DHODH: variants seen among roughly 807,000 people sequenced by gnomAD.
The protein encoded by DHODH is dihydroorotate dehydrogenase (quinone).
Under a neutral mutation model 39.7 loss-of-function variants are expected in DHODH, and 30 were observed. That is an observed-to-expected ratio of 0.76 (90% CI 0.57 to 1.02). The LOEUF (loss-of-function observed/expected upper bound fraction) is 1.02. DHODH is among the 50% of genes least tolerant of loss of function. DHODH has a pLI of 0.00. For missense variants in DHODH, 531 were observed against 520.8 expected (o/e 1.02, Z -0.19); for synonymous variants, 222 against 213.8 (o/e 1.04, Z -0.34).
chr16:72,022,316 G>C, intron 5 of DHODH, 46 bp from the exon 6 acceptor site: 1 of 1,398,632 alleles, frequency 7.1e-7, no homozygotes, highest in South Asian at 1.2e-5. Context: ...TGCACTGCAG[G>C]GCTGTGGTCT....
intron 2 of DHODH, among the ~76,000 whole-genome samples, 165 bp downstream of exon 2, chr16:72,012,427 G>A (rs567939388): frequency 1.7e-4 from 26 of 152,312 alleles, no homozygotes; most frequent in African/African-American, 6.3e-4. Flanking sequence ...AATTAGCAAC[G>A]ATGATTATCT....
chr16:72,022,776 T>C (rs2041234841), intron 6 of DHODH, among the ~76,000 whole-genome samples: 1 of 152,088 alleles, frequency 6.6e-6, no homozygotes, highest in Non-Finnish European at 1.5e-5. Context: ...CTCTCACTCC[T>C]CTCTCCAGCC....
intron 2 of DHODH, 48 bp downstream of exon 2, chr16:72,012,310 C>T: frequency 6.4e-7 from 1 of 1,562,428 alleles, no homozygotes; most frequent in Non-Finnish European, 8.8e-7. Context: ...GCGAAGGCTG[C>T]AGTCCCCTAA....
At chr16:72,010,478 A>G (rs2041070254) in intron 1 of DHODH, among the ~76,000 whole-genome samples, 1 of 152,194 alleles carries the variant, frequency 6.6e-6, no homozygotes, top group Admixed American at 6.5e-5. Flanking sequence ...CTATGACTAC[A>G]TATTTGCATG....
chr16:72,018,419 G>A (rs943362509), intron 4 of DHODH, among the ~76,000 whole-genome samples: 1 of 152,206 alleles, frequency 6.6e-6, no homozygotes, highest in African/African-American at 2.4e-5. Context: ...AAACCCCTGG[G>A]TTGGGTGGAA....
chr16:72,023,119 C>G (rs1049532582), intron 6 of DHODH, 46 bp from the exon 7 acceptor site: 40 of 1,611,140 alleles, frequency 2.5e-5, no homozygotes, highest in Non-Finnish European at 3.2e-5. Flanking sequence ...GCCTCTGGGT[C>G]CTTCGGTGCT....
chr16:72,009,462 C>T (rs2041057872), intron 1 of DHODH, among the ~76,000 whole-genome samples: 1 of 136,340 alleles, frequency 7.3e-6, no homozygotes. Flanking sequence ...GAGATTGCGC[C>T]ACTGCAGTCC....
chr16:72,019,482 C>A (rs920228913), intron 4 of DHODH, among the ~76,000 whole-genome samples: 2 of 152,304 alleles, frequency 1.3e-5, no homozygotes, highest in African/African-American at 4.8e-5. Context: ...CATTGATGTA[C>A]CACTCCCCGT....
At position 72,020,341 on chromosome 16, in the gene DHODH, A is replaced by ATG. The variant is rs1295758691; in HGVS notation, c.518-782_518-781insGT. The ATG allele has an allele frequency of 4.2e-5, 5 of 118,918 alleles. No individual in the cohort carries two copies. The East Asian group carries it at 1.1e-3, about 25-fold the overall frequency. The allele number at this position is 118,918 out of a possible 1,614,324, so 7.4% of individuals were successfully genotyped here. ...TATATGTATATGTGTATATATATAT[A>ATG]TATATATATATATGTGTATATATAT... On this transcript the variant is annotated intron_variant, in intron 4 of 8. Coordinates refer to ENST00000219240, the MANE Select transcript of DHODH (RefSeq NM_001361.5).
At chr16:72,020,718 C>T (rs2041203489) in intron 4 of DHODH, among the ~76,000 whole-genome samples, 1 of 152,136 alleles carries the variant, frequency 6.6e-6, no homozygotes, top group Non-Finnish European at 1.5e-5. Context: ...ATCCAGTCAA[C>T]CGAGCCAAGG....
At chr16:72,015,967 A>G (rs577221988) in intron 3 of DHODH, 5 of 743,558 alleles carry the variant, frequency 6.7e-6, no homozygotes, top group Non-Finnish European at 8.2e-6. Context: ...AAAGTGGCTT[A>G]AACAACAGGC....
rs1012945119 is a variant in DHODH at position 72,016,351 on chromosome 16, C to T, written c.435-673C>T. 4 of 156,722 alleles carry T rather than the reference C, an allele frequency of 2.6e-5. No individual in the cohort carries two copies. In the East Asian group the frequency reaches 7.6e-4, roughly 30 times the overall value. The allele number at this position is 156,722 out of a possible 1,614,324, so 9.7% of individuals were successfully genotyped here. The stretch of plus-strand genomic sequence containing the variant: ...GGGGACTGGCCACTAGGTCAAAACC[C>T]ACAGTGGGGCTGGGGATACAGGGAT... On this transcript the variant is annotated intron_variant, in intron 3 of 8. Coordinates refer to ENST00000219240, the MANE Select transcript of DHODH (RefSeq NM_001361.5).
At chr16:72,015,471 C>T (rs1289422437) in intron 3 of DHODH, among the ~76,000 whole-genome samples, 3 of 152,230 alleles carry the variant, frequency 2.0e-5, no homozygotes, top group Non-Finnish European at 4.4e-5. Context: ...ACAGCAAACC[C>T]AAAAGGTGAA....
chr16:72,020,828 C>T (rs866725440), intron 4 of DHODH, among the ~76,000 whole-genome samples: 18 of 152,200 alleles, frequency 1.2e-4, no homozygotes, highest in African/African-American at 4.3e-4. Context: ...ATCTTTTGCC[C>T]CACAAGTATT....
At chr16:72,016,607 C>T (rs73586368) in intron 3 of DHODH, 14,208 of 320,352 alleles carry the variant, frequency 0.044, 1,845 homozygotes, top group African/African-American at 0.28. Context: ...GGAGAGGGAG[C>T]GTTTGCTCTG....
At chr16:72,016,924 G>C in intron 3 of DHODH, 100 bp from the exon 4 acceptor site, 2 of 1,130,134 alleles carry the variant, frequency 1.8e-6, no homozygotes, top group Non-Finnish European at 2.7e-6. Flanking sequence ...AGAACTGACT[G>C]TGATTTTTTT....
intron 1 of DHODH, among the ~76,000 whole-genome samples, chr16:72,010,689 T>G (rs1411175817): frequency 2.0e-5 from 3 of 152,216 alleles, no homozygotes; most frequent in African/African-American, 4.8e-5. Flanking sequence ...GTTTTATATT[T>G]TACACCCCCG....
At chr16:72,016,743 G>A (rs1338914520) in intron 3 of DHODH, 2 of 420,938 alleles carry the variant, frequency 4.8e-6, no homozygotes, top group East Asian at 5.1e-5. Flanking sequence ...TCAGAGAGTG[G>A]CTGGGTAAGG....
At chr16:72,017,321 T>C (rs566528480) in intron 4 of DHODH, among the ~76,000 whole-genome samples, 1 of 152,330 alleles carries the variant, frequency 6.6e-6, no homozygotes, top group Admixed American at 6.5e-5. Flanking sequence ...ACTTTGCCTC[T>C]GCCTTGTTAT....
Sources: allele counts gnomAD v4.1 joint callset (sites outside exome capture counted in the v4.1 genomes callset), GRCh38; gene constraint gnomAD v4.1.1; transcripts MANE v1.5; gene names NCBI Gene and HGNC (gene_info 2026-07-23, HGNC 2026-07-21).